TMCC3: variants seen among roughly 807,000 people sequenced by gnomAD.
TMCC3 encodes transmembrane and coiled-coil domain protein 3.
Under a neutral mutation model 40.2 loss-of-function variants are expected in TMCC3, and 28 were observed. The observed-to-expected ratio is 0.70, with a 90% CI of 0.52 to 0.95. The LOEUF (loss-of-function observed/expected upper bound fraction) is 0.95, where lower values mean the gene tolerates loss of function less well. Ranked by LOEUF, TMCC3 falls within the 40% of genes least tolerant of loss-of-function variation. TMCC3 has a pLI of 0.00. For synonymous variants in TMCC3, 255 were observed against 248.5 expected, an observed-to-expected ratio of 1.03 and a Z score of -0.25; for missense variants, 554 against 615.2, an observed-to-expected ratio of 0.90 and a Z score of 1.05.
At chr12:94,646,192 T>C (rs1212419178) in intron 1 of TMCC3, among the ~76,000 whole-genome samples, 1 of 151,972 alleles carries the variant, frequency 6.6e-6, no homozygotes, top group Non-Finnish European at 1.5e-5. Context: ...GATTGGGAGA[T>C]ATGGAAGAAA....
intron 1 of TMCC3, chr12:94,590,817 A>C (rs1267192627): frequency 8.0e-6 from 4 of 501,004 alleles, no homozygotes; most frequent in Admixed American, 4.8e-5. Context: ...GCAGGGTCTG[A>C]AACATGGGGG....
At chr12:94,620,113 A>G (rs2068867719) in intron 1 of TMCC3, among the ~76,000 whole-genome samples, 2 of 151,960 alleles carry the variant, frequency 1.3e-5, no homozygotes, top group Non-Finnish European at 2.9e-5. Flanking sequence ...CGGCGAGCCA[A>G]GATAGTGCCA....
intron 1 of TMCC3, among the ~76,000 whole-genome samples, chr12:94,648,561 T>G (rs1246405513): frequency 6.6e-6 from 1 of 152,182 alleles, no homozygotes; most frequent in Non-Finnish European, 1.5e-5. Context: ...AGAAATCACA[T>G]AAGGTTTTGA....
At chr12:94,648,125 C>A (rs1480583287) in intron 1 of TMCC3, among the ~76,000 whole-genome samples, 1 of 152,172 alleles carries the variant, frequency 6.6e-6, no homozygotes, top group Non-Finnish European at 1.5e-5. Flanking sequence ...CATATAATGT[C>A]TAACTCAGTT....
chr12:94,622,930 A>C (rs574542249), intron 1 of TMCC3, among the ~76,000 whole-genome samples: 1 of 152,330 alleles, frequency 6.6e-6, no homozygotes, highest in South Asian at 2.1e-4. Flanking sequence ...CTTCAGCCAA[A>C]GCTAGCTCAT....
chr12:94,579,461 C>T (rs576424279), intron 2 of TMCC3, among the ~76,000 whole-genome samples: 10 of 152,294 alleles, frequency 6.6e-5, no homozygotes, highest in African/African-American at 1.9e-4. Context: ...GAGCCCAGAT[C>T]GCGCCACTGC....
chr12:94,647,147 G>A (rs2069024167), intron 1 of TMCC3, among the ~76,000 whole-genome samples: 1 of 152,142 alleles, frequency 6.6e-6, no homozygotes, highest in Admixed American at 6.5e-5. Flanking sequence ...TTCTTCTAAA[G>A]TAGAGAGATA....
At chr12:94,624,064 AC>A (rs1490956215) in intron 1 of TMCC3, among the ~76,000 whole-genome samples, 1 of 152,258 alleles carries the variant, frequency 6.6e-6, no homozygotes, top group Admixed American at 6.5e-5. Context: ...TTTTAAAATC[AC>A]CCAAAACTGC....
At position 94,581,864 on chromosome 12, in the gene TMCC3, A is replaced by G; in HGVS notation, c.753T>C (p.Tyr251=). The G allele has an allele frequency of 6.2e-7, 1 of 1,614,180 alleles. No homozygotes were observed. The highest frequency in any genetic ancestry group is 2.2e-5 in the East Asian group (1 of 44,884). The change falls in exon 2 of 4, where the codon TAT becomes TAC. Residue 251 remains tyrosine (Y), a synonymous_variant. Transcript: ENST00000261226. ...GSATIVNKPK[Y]GSDDECSSGT... ...CACTCGAACATTCATCATCACTGCC[A>G]TACTTGGGTTTGTTCACGATGGTAG...
At position 94,578,423 on chromosome 12, in the gene TMCC3, G is replaced by C. The variant is rs1296638149; in HGVS notation, c.1102C>G (p.Gln368Glu). 8 of 1,614,060 alleles carry C rather than the reference G, an allele frequency of 5.0e-6. No individual in the cohort carries two copies. Among genetic ancestry groups the C allele is most frequent in the Non-Finnish European group, 5.9e-6 (7 of 1,179,978 alleles). ...LASIEEKVAY[Q>E]AYERSRDIQE... ...ATGTCCCGCGAGCGCTCGTAGGCCT[G>C]GTAGGCCACCTTCTCCTCAATGCTG... The change falls in exon 3 of 4, where the codon CAG (glutamine) becomes GAG (glutamate). Residue 368 changes from glutamine to glutamate, a missense_variant. Transcript: ENST00000261226.
intron 1 of TMCC3, among the ~76,000 whole-genome samples, chr12:94,603,428 A>G (rs1272185577): frequency 6.6e-6 from 1 of 152,196 alleles, no homozygotes; most frequent in African/African-American, 2.4e-5. Context: ...AATCTTATTT[A>G]CCAAAATAAA....
intron 1 of TMCC3, among the ~76,000 whole-genome samples, chr12:94,622,945 C>T (rs895839405): frequency 6.6e-6 from 1 of 151,820 alleles, no homozygotes; most frequent in African/African-American, 2.4e-5. Flanking sequence ...GCTCATGTTT[C>T]AGCTGGAACT....
At chr12:94,605,662 A>G (rs1253789642) in intron 1 of TMCC3, among the ~76,000 whole-genome samples, 2 of 152,184 alleles carry the variant, frequency 1.3e-5, no homozygotes, top group East Asian at 1.9e-4. Flanking sequence ...CAGGCTCAAT[A>G]CTATTCAAAC....
intron 3 of TMCC3, among the ~76,000 whole-genome samples, chr12:94,577,676 A>T (rs749713281): frequency 1.9e-4 from 29 of 152,000 alleles, no homozygotes; most frequent in Non-Finnish European, 4.0e-4. Context: ...AAATTGGCCA[A>T]TGTTTGTGCT....
intron 1 of TMCC3, among the ~76,000 whole-genome samples, chr12:94,607,172 C>T (rs894004705): frequency 4.6e-5 from 7 of 152,222 alleles, no homozygotes; most frequent in Non-Finnish European, 8.8e-5. Flanking sequence ...AAAACTATGG[C>T]TCTATTCTGC....
At chr12:94,578,074 G>A (rs1374585440) in intron 3 of TMCC3, among the ~76,000 whole-genome samples, 2 of 148,076 alleles carry the variant, frequency 1.4e-5, no homozygotes, top group South Asian at 2.2e-4. Flanking sequence ...GTTTGAACTC[G>A]GGAGGCAGAG....
intron 1 of TMCC3, among the ~76,000 whole-genome samples, chr12:94,647,063 T>A (rs1014761254): frequency 2.6e-5 from 4 of 152,178 alleles, no homozygotes; most frequent in African/African-American, 9.7e-5. Flanking sequence ...AGACGGCCTG[T>A]ATTCTTAAAA....
chr12:94,589,134 G>GTTT (rs1193357757), intron 1 of TMCC3, among the ~76,000 whole-genome samples: 1 of 88,396 alleles, frequency 1.1e-5, no homozygotes, highest in African/African-American at 4.2e-5. Flanking sequence ...GTATGAGGTT[G>GTTT]TTGTTTTTTT....
At chr12:94,572,625 T>C (rs1389761958) in intron 3 of TMCC3, among the ~76,000 whole-genome samples, 2 of 152,274 alleles carry the variant, frequency 1.3e-5, no homozygotes, top group South Asian at 2.1e-4. Context: ...TTTACCTATT[T>C]TTGAAATAAA....
Sources: gnomAD v4.1 joint callset for allele counts (sites outside exome capture counted in the v4.1 genomes callset) on GRCh38, gnomAD v4.1.1 for gene constraint, MANE v1.5 for transcripts, NCBI Gene and HGNC (gene_info 2026-07-23, HGNC 2026-07-21) for gene names.